The following SLC8A1 variants were observed in gnomAD, a reference collection of about 807,000 sequenced individuals.
SLC8A1 encodes the protein solute carrier family 8 member A1.
A neutral mutation model predicts 68.3 loss-of-function variants in SLC8A1; 18 were observed. The observed-to-expected ratio is 0.26, with a 90% CI of 0.18 to 0.39. SLC8A1 has a LOEUF of 0.39. Among genes scored for constraint, SLC8A1 ranks in the 10% least tolerant of loss-of-function variants. SLC8A1 has a pLI of 1.00. For missense variants in SLC8A1, 985 were observed against 1,156.7 expected, an observed-to-expected ratio of 0.85 and a Z score of 2.15; for synonymous variants, 475 against 415.5, an observed-to-expected ratio of 1.14 and a Z score of -1.74.
intron 2 of SLC8A1, among the ~76,000 whole-genome samples, chr2:40,208,735 A>G (rs1389861769): frequency 1.3e-5 from 2 of 152,148 alleles, no homozygotes; most frequent in Admixed American, 6.5e-5. Context: ...TCTTACCACA[A>G]TGCAAAGCAA....
intron 2 of SLC8A1, among the ~76,000 whole-genome samples, chr2:40,298,010 G>T (rs2070745373): frequency 6.6e-6 from 1 of 152,090 alleles, no homozygotes. Context: ...CTCCTGAGTA[G>T]CTAGGATTAC....
Position 40,283,749 on chromosome 2 carries a change from C to A in SLC8A1, c.1809-105894G>T, listed in dbSNP as rs116384217. 7.2e-5 allele frequency among the ~76,000 whole-genome samples: 11 copies of A among 152,286 alleles called. No individual in the cohort carries two copies. The East Asian group carries it at 1.7e-3, about 24-fold the overall frequency. On this transcript the variant is annotated intron_variant, in intron 2 of 7. Coordinates refer to ENST00000406785, the Ensembl canonical transcript of SLC8A1. ...AAAACAACTCATTCTCTAGAAGAAT[C>A]TGAATGCCCACTATATCCTTGACAG...
At chr2:40,395,946 G>A (rs753603099) in intron 2 of SLC8A1, among the ~76,000 whole-genome samples, 1 of 151,932 alleles carries the variant, frequency 6.6e-6, no homozygotes, top group Non-Finnish European at 1.5e-5. Flanking sequence ...CCTTATAACT[G>A]TTCATACTGT....
At chr2:40,156,676 GAAA>G (rs71404281) in intron 6 of SLC8A1, among the ~76,000 whole-genome samples, 5 of 145,736 alleles carry the variant, frequency 3.4e-5, no homozygotes, top group Admixed American at 6.8e-5. Flanking sequence ...AAATATTAAG[GAAA>G]AAAAAAAAAC....
intron 6 of SLC8A1, among the ~76,000 whole-genome samples, chr2:40,156,042 C>G (rs1050952979): frequency 6.6e-6 from 1 of 152,218 alleles, no homozygotes; most frequent in African/African-American, 2.4e-5. Context: ...CTCCTCTAAT[C>G]CCCTTCCTTC....
At chr2:40,424,726 A>G (rs1696411444) in intron 2 of SLC8A1, among the ~76,000 whole-genome samples, 1 of 151,862 alleles carries the variant, frequency 6.6e-6, no homozygotes, top group South Asian at 2.1e-4. Flanking sequence ...TCTAACTTGC[A>G]TACTCTGATT....
chr2:40,226,421 T>C (rs772718731), intron 2 of SLC8A1, among the ~76,000 whole-genome samples: 2 of 152,186 alleles, frequency 1.3e-5, no homozygotes, highest in Non-Finnish European at 2.9e-5. Context: ...CTTGGAAATG[T>C]ATAGACTGCA....
intron 2 of SLC8A1, among the ~76,000 whole-genome samples, chr2:40,420,205 A>G (rs1477121914): frequency 6.6e-6 from 1 of 152,196 alleles, no homozygotes; most frequent in Admixed American, 6.5e-5. Context: ...CAGGTCACTT[A>G]TTCTAGGAAA....
intron 2 of SLC8A1, among the ~76,000 whole-genome samples, chr2:40,214,285 C>A (rs2057098596): frequency 6.6e-6 from 1 of 152,162 alleles, no homozygotes; most frequent in African/African-American, 2.4e-5. Context: ...GCTTTGCCCA[C>A]AGAAAAGCAG....
intron 6 of SLC8A1, among the ~76,000 whole-genome samples, chr2:40,154,326 C>T (rs200395221): frequency 2.9e-4 from 28 of 96,810 alleles, no homozygotes; most frequent in South Asian, 6.8e-4. Context: ...TTTTTTGAGA[C>T]GGAGTCTTGC....
chr2:40,335,963 A>G (rs968631413), intron 2 of SLC8A1, among the ~76,000 whole-genome samples: 3 of 152,234 alleles, frequency 2.0e-5, no homozygotes, highest in African/African-American at 7.2e-5. Context: ...CAGTGGGGAG[A>G]AAGGAAAAGT....
intron 2 of SLC8A1, among the ~76,000 whole-genome samples, chr2:40,284,174 T>C (rs2067914536): frequency 6.6e-6 from 1 of 151,908 alleles, no homozygotes; most frequent in Admixed American, 6.6e-5. Context: ...GATATCTGTA[T>C]CTATAGATAT....
At chr2:40,319,631 C>T (rs531711979) in intron 2 of SLC8A1, among the ~76,000 whole-genome samples, 114 of 152,176 alleles carry the variant, frequency 7.5e-4, no homozygotes, top group African/African-American at 2.6e-3. Flanking sequence ...ATGAGCAGTT[C>T]CGCCTGTCAC....
At chr2:40,102,740 G>T (rs2033972643) in exon 8 of SLC8A1, 3 of 152,056 alleles carry the variant, frequency 2.0e-5, no homozygotes, top group Non-Finnish European at 2.9e-5. Context: ...AAATGCTTAT[G>T]GTGCATACTT....
At chr2:40,456,080 G>T (rs537686352), upstream of SLC8A1, among the ~76,000 whole-genome samples, 1 of 152,304 alleles carries the variant, frequency 6.6e-6, no homozygotes, top group East Asian at 1.9e-4. Context: ...ACTTTGGGAG[G>T]TTGAGGCGGG....
chr2:40,136,972 A>G lies in SLC8A1; in HGVS notation c.2437+2429T>C, dbSNP rs369247199. On this transcript the variant is annotated intron_variant, in intron 7 of 7. Transcript: ENST00000406785. ...AGAAATCTGCGTCCCGATGGAAAGC[A>G]TTTATGGCAGTGTAGGGAAACTGTT... Among the ~76,000 whole-genome samples the G allele has an allele frequency of 9.8e-5, 15 of 152,336 alleles. No homozygotes were observed. The East Asian group carries it at 1.9e-3, about 20-fold the overall frequency.
intron 1 of SLC8A1, among the ~76,000 whole-genome samples, chr2:40,445,896 G>A (rs1451107718): frequency 2.0e-5 from 3 of 152,194 alleles, no homozygotes; most frequent in African/African-American, 7.2e-5. Context: ...GCCACCCACA[G>A]TTGGGTCTCT....
At chr2:40,426,940 C>A (rs549924537) in intron 2 of SLC8A1, among the ~76,000 whole-genome samples, 1 of 151,980 alleles carries the variant, frequency 6.6e-6, no homozygotes, top group East Asian at 1.9e-4. Context: ...CTTTCCAATG[C>A]AAGACCACTG....
intron 2 of SLC8A1, among the ~76,000 whole-genome samples, chr2:40,420,650 T>C (rs949174552): frequency 6.6e-6 from 1 of 152,206 alleles, no homozygotes; most frequent in Non-Finnish European, 1.5e-5. Flanking sequence ...TCTAGGTTAA[T>C]GGAGAGTGGG....
Sources: allele counts gnomAD v4.1 joint callset (sites outside exome capture counted in the v4.1 genomes callset), GRCh38; gene constraint gnomAD v4.1.1; transcripts MANE v1.5; gene names NCBI Gene and HGNC (gene_info 2026-07-23, HGNC 2026-07-21).